CORO7: variants seen among roughly 807,000 people sequenced by gnomAD.
CORO7 encodes the protein coronin-7.
CORO7 carries 107 observed loss-of-function variants against 126.6 expected under a neutral mutation model. That is an observed-to-expected ratio of 0.85 (90% CI 0.72 to 0.99). CORO7 has a LOEUF of 0.99. Ranked by LOEUF, CORO7 falls within the 50% of genes least tolerant of loss-of-function variation. The pLI is 0.00. For missense variants in CORO7, 1,314 were observed against 1,255.8 expected, an observed-to-expected ratio of 1.05 and a Z score of -0.70; for synonymous variants, 603 against 536.8, an observed-to-expected ratio of 1.12 and a Z score of -1.70.
chr16:4,388,824 C>T (rs1596316009), intron 7 of CORO7, among the ~76,000 whole-genome samples, 193 bp from the exon 8 acceptor site: 1 of 152,278 alleles, frequency 6.6e-6, no homozygotes. Context: ...GGGGATCAGC[C>T]CCGCCTCCGC....
chr16:4,411,774 G>A (rs1305537568), intron 3 of CORO7, among the ~76,000 whole-genome samples: 8 of 151,926 alleles, frequency 5.3e-5, no homozygotes, highest in South Asian at 2.1e-4. Flanking sequence ...CTGGGCCCGC[G>A]GCCGCTGCAG....
intron 7 of CORO7, among the ~76,000 whole-genome samples, chr16:4,392,263 G>A (rs1009513828): frequency 1.3e-5 from 2 of 152,182 alleles, no homozygotes; most frequent in African/African-American, 4.8e-5. Context: ...GGGAAGGGGC[G>A]GCAGTGGGGG....
chr16:4,393,050 A>C (rs1428395477), intron 7 of CORO7, among the ~76,000 whole-genome samples: 2 of 152,302 alleles, frequency 1.3e-5, no homozygotes, highest in South Asian at 2.1e-4. Flanking sequence ...GCCCTGCTGG[A>C]AGAGGAGGGG....
chr16:4,411,420 G>T (rs1244493863), intron 3 of CORO7, among the ~76,000 whole-genome samples: 1 of 151,992 alleles, frequency 6.6e-6, no homozygotes, highest in Non-Finnish European at 1.5e-5. Flanking sequence ...AGGTAACGTT[G>T]GCTGGGCCTG....
chr16:4,381,405 C>T (rs1478231323), intron 9 of CORO7: 4 of 1,585,576 alleles, frequency 2.5e-6, no homozygotes, highest in East Asian at 2.3e-5. Flanking sequence ...TGCTGGACCT[C>T]AGCCACAACA....
chr16:4,362,005 C>T lies in CORO7; in HGVS notation c.1558G>A (p.Gly520Arg), dbSNP rs2054196087. 8 of 1,610,032 alleles carry T rather than the reference C, an allele frequency of 5.0e-6. No individual in the cohort carries two copies. The highest frequency in any genetic ancestry group is 6.8e-6 in the Non-Finnish European group (8 of 1,178,600). Residue 520 changes from glycine to arginine, a missense_variant, in exon 16 of 28, where the codon GGA becomes AGA. Transcript: ENST00000251166. The surrounding 1 kb of genome is among the most constrained non-coding windows in gnomAD (Gnocchi z 5.3). ...CTCACCTCAAGCACAGCCACCTGTC[C>T]CCCGCTGCTGAGCAGCGGCACGGCC... Reference protein sequence around the residue: ...RVAVPLLSSGGQVAVLELRKP... With the variant: ...RVAVPLLSSGRQVAVLELRKP...
At chr16:4,371,301 A>G (rs2054511635) in intron 9 of CORO7, among the ~76,000 whole-genome samples, 1 of 152,244 alleles carries the variant, frequency 6.6e-6, no homozygotes, top group South Asian at 2.1e-4. Flanking sequence ...GTTTATACTT[A>G]GGAGGCTCTT....
rs758392195 is a variant in CORO7 at position 4,361,037 on chromosome 16, T to G, written c.1823A>C (p.Asn608Thr). ...GTCATAGGAGGACGAGGCCAGCACA[T>G]TGGCTGCCAGTGGGTGGAAGCGCAG... The part of the protein sequence containing the change: ...CSLRFHPLAA[N>T]VLASSSYDLT... Residue 608 changes from asparagine to threonine, a missense_variant, in exon 19 of 28, where the codon AAT (asparagine) becomes ACT (threonine). Transcript: ENST00000251166. 43 of 1,613,336 alleles carry G rather than the reference T, an allele frequency of 2.7e-5. No homozygotes were observed. Among genetic ancestry groups the G allele is most frequent in the Non-Finnish European group, 3.6e-5 (43 of 1,180,000 alleles).
At chr16:4,405,855 C>T (rs1260785101) in intron 5 of CORO7, among the ~76,000 whole-genome samples, 2 of 151,416 alleles carry the variant, frequency 1.3e-5, no homozygotes, top group Non-Finnish European at 3.0e-5. Context: ...CAACATAGCT[C>T]CCCACCAACA....
At chr16:4,378,328 C>T (rs564532545) in intron 9 of CORO7, among the ~76,000 whole-genome samples, 8 of 152,226 alleles carry the variant, frequency 5.3e-5, no homozygotes, top group South Asian at 4.1e-4. Context: ...AGGGGAGCTG[C>T]GGCCACAGTG....
At chr16:4,364,253 A>C in intron 14 of CORO7, 23 bp downstream of exon 14, 1 of 1,512,884 alleles carries the variant, frequency 6.6e-7, no homozygotes, top group Admixed American at 2.3e-5. Context: ...CTGAGGGAGG[A>C]TGGGGGCGGC....
rs201929828 is a variant in CORO7, at chr16:4,360,481, C to T, written c.1985G>A (p.Arg662Gln). Residue 662 changes from arginine (R) to glutamine (Q), a missense_variant, in exon 20 of 28, where the codon CGG (arginine) becomes CAG (glutamine). Coordinates refer to ENST00000251166, the MANE Select transcript of CORO7 (RefSeq NM_024535.5). ...LATVCKDGRVRVYRPRSGPEP... is the reference protein window; with the variant it reads ...LATVCKDGRVQVYRPRSGPEP... ...AGGGCCACTCCGGGGCCTGTAGACC[C>T]GCACACGCCCATCCTTGCAGACAGT... 1.4e-5 allele frequency: 23 copies of T among 1,612,382 alleles called. No homozygotes were observed. The African/African-American group carries it at 1.5e-4, about 10-fold the overall frequency.
chr16:4,410,747 C>A (rs145520182), intron 3 of CORO7, among the ~76,000 whole-genome samples: 91 of 152,300 alleles, frequency 6.0e-4, no homozygotes, highest in African/African-American at 2.1e-3. Flanking sequence ...ACGTCTCCTG[C>A]GAAGGGCAAG....
At chr16:4,371,231 G>C (rs1372494187) in intron 9 of CORO7, among the ~76,000 whole-genome samples, 4 of 152,226 alleles carry the variant, frequency 2.6e-5, no homozygotes, top group Non-Finnish European at 4.4e-5. Context: ...GTCCAGGGCT[G>C]CTCACAACTC....
At chr16:4,364,965 G>A in intron 11 of CORO7, 38 bp downstream of exon 11, 1 of 1,604,988 alleles carries the variant, frequency 6.2e-7, no homozygotes, top group East Asian at 2.2e-5. Flanking sequence ...GGCAGGGGAG[G>A]GGAGGGTAGG....
rs2056061310 is a variant in CORO7, at chr16:4,407,789, G to A, written c.304-105C>T. ...CCCGTGTTGGAACTAGGCTGCTCCA[G>A]GAGACCACACACCTTGGCCTTGGGA... On this transcript the variant is annotated intron_variant, in intron 4 of 27. Coordinates refer to ENST00000251166, the MANE Select transcript of CORO7 (RefSeq NM_024535.5). The A allele has an allele frequency of 2.9e-6, 4 of 1,377,412 alleles. No individual in the cohort carries two copies. The East Asian group carries it at 1.0e-4, about 34-fold the overall frequency. 85.3% of individuals were successfully genotyped at this position (1,377,412 alleles called of 1,614,324 possible).
At chr16:4,382,164 G>A (rs767568822) in intron 9 of CORO7, 10 of 1,593,796 alleles carry the variant, frequency 6.3e-6, no homozygotes, top group African/African-American at 4.0e-5. Flanking sequence ...ACCACCTGGC[G>A]TGCTTGTGCC....
chr16:4,388,629 G>A lies in CORO7; in HGVS notation c.618C>T (p.Ser206=). ...DPRTKPRASQ[S]TQAHENSRDS... Reference sequence around the variant, plus strand: ...CCCTGCTGTTCTCATGGGCCTGCGTGCTCTGCAGGAGGCAAGAGGTGGACC... The same window carrying A: ...CCCTGCTGTTCTCATGGGCCTGCGTACTCTGCAGGAGGCAAGAGGTGGACC... The change falls in exon 8 of 28, where the codon AGC becomes AGT. Residue 206 remains serine, a splice_region_variant and synonymous_variant. Coordinates refer to ENST00000251166, the MANE Select transcript of CORO7 (RefSeq NM_024535.5). The A allele has an allele frequency of 6.2e-7, 1 of 1,610,960 alleles. No homozygotes were observed. Among genetic ancestry groups the A allele is most frequent in the Non-Finnish European group, 8.5e-7 (1 of 1,179,176 alleles).
intron 9 of CORO7, among the ~76,000 whole-genome samples, chr16:4,366,778 A>C (rs1338555915): frequency 6.6e-6 from 1 of 152,102 alleles, no homozygotes; most frequent in African/African-American, 2.4e-5. Flanking sequence ...CCTGGCCTCA[A>C]GTGATACTCC....
Sources: gnomAD v4.1 joint callset for allele counts (sites outside exome capture counted in the v4.1 genomes callset) on GRCh38, gnomAD v4.1.1 for gene constraint, Gnocchi (gnomAD v3.1) non-coding constraint, MANE v1.5 for transcripts, NCBI Gene and HGNC (gene_info 2026-07-23, HGNC 2026-07-21) for gene names.